The following CMTR1 variants were observed in gnomAD, a reference collection of about 807,000 sequenced individuals.
CMTR1 encodes cap methyltransferase 1, also known as cap-specific mRNA (nucleoside-2'-O-)-methyltransferase 1.
In CMTR1, 39 loss-of-function variants were observed where a neutral mutation model predicts 107.0. The ratio of observed to expected loss-of-function variants is 0.36; its 90% CI spans 0.28 to 0.48. The LOEUF (loss-of-function observed/expected upper bound fraction) is 0.48, where lower values mean the gene tolerates loss of function less well. Among genes scored for constraint, CMTR1 ranks in the 20% least tolerant of loss-of-function variants. The pLI is 0.99. For synonymous variants in CMTR1, 366 were observed against 379.5 expected, an observed-to-expected ratio of 0.96 and a Z score of 0.41; for missense variants, 672 against 1,064.9, an observed-to-expected ratio of 0.63 and a Z score of 5.14.
At chr6:37,452,491 AT>A (rs1761198749) in intron 6 of CMTR1, among the ~76,000 whole-genome samples, 1 of 152,100 alleles carries the variant, frequency 6.6e-6, no homozygotes, top group Non-Finnish European at 1.5e-5. Context: ...CACAGATTTT[AT>A]TTTTTGGCAG....
chr6:37,474,512 C>G lies in CMTR1; in HGVS notation c.1822-12C>G. 1 of 1,579,156 alleles carries G rather than the reference C, an allele frequency of 6.3e-7. No homozygotes were observed. Among genetic ancestry groups the G allele is most frequent in the African/African-American group, 1.5e-5 (1 of 65,872 alleles). On this transcript the variant is annotated splice_polypyrimidine_tract_variant and intron_variant, in intron 17 of 23. Coordinates refer to ENST00000373451, the MANE Select transcript of CMTR1 (RefSeq NM_015050.3). ...ATGCCTTCCTTACCTGGCTGTTTCT[C>G]TCTGCCTGTAGAAATCCCAGATCTA...
At position 37,453,330 on chromosome 6, in the gene CMTR1, C is replaced by T. The variant is rs1761224716; in HGVS notation, c.777+18C>T. ...CTTATGGGGTGAGAACAAGATTCTG[C>T]TTCTGAATTCATGGTGCTAAGAGGG... On this transcript the variant is annotated intron_variant, in intron 8 of 23. Coordinates refer to ENST00000373451, the MANE Select transcript of CMTR1 (RefSeq NM_015050.3). The T allele has an allele frequency of 6.2e-7, 1 of 1,610,432 alleles. No homozygotes were observed.
At chr6:37,428,140 T>C in the CMTR1 span, among the ~76,000 whole-genome samples, 2 of 152,076 alleles carry the variant, frequency 1.3e-5, no homozygotes, top group African/African-American at 4.8e-5. Context: ...AAATAATGTG[T>C]GTATTCAGAC....
chr6:37,481,035 A>G lies in CMTR1; in HGVS notation c.*890A>G, dbSNP rs1045503243. On this transcript the variant is annotated 3_prime_UTR_variant, in exon 24 of 24. Transcript: ENST00000373451. Reference sequence around the variant, plus strand: ...TGGCAGTCATGCACCGCTGTCTGCCATAGCCGCTCTAGGGTCTTGGCAGAA... The same window carrying G: ...TGGCAGTCATGCACCGCTGTCTGCCGTAGCCGCTCTAGGGTCTTGGCAGAA... 65 of 1,304,078 alleles carry G rather than the reference A, an allele frequency of 5.0e-5. No homozygotes were observed. The highest frequency in any genetic ancestry group is 6.3e-5 in the Non-Finnish European group (62 of 988,916). The allele number at this position is 1,304,078 out of a possible 1,614,324, so 80.8% of individuals were successfully genotyped here. A position where few individuals can be genotyped will look rare whatever the true frequency, so the allele number is the denominator to read the frequency against.
chr6:37,463,583 GT>G (rs1761444136), intron 13 of CMTR1, among the ~76,000 whole-genome samples: 1 of 152,086 alleles, frequency 6.6e-6, no homozygotes, highest in Admixed American at 6.5e-5. Flanking sequence ...TTTGAAAAAA[GT>G]GTTTGGAGAT....
At chr6:37,443,048 GTGGT>G in intron 2 of CMTR1, among the ~76,000 whole-genome samples, 1 of 152,258 alleles carries the variant, frequency 6.6e-6, no homozygotes, top group East Asian at 1.9e-4. Context: ...GTAAACTTTC[GTGGT>G]ATAAAAATGT....
Position 37,481,090 on chromosome 6 carries a change from AC to A in CMTR1, c.*948del, listed in dbSNP as rs781334619. 9 of 1,303,518 alleles carry A rather than the reference AC, an allele frequency of 6.9e-6. No individual in the cohort carries two copies. The highest frequency in any genetic ancestry group is 2.1e-4 in the Middle Eastern group (1 of 4,698). The allele number at this position is 1,303,518 out of a possible 1,614,324, so 80.7% of individuals were successfully genotyped here. On this transcript the variant is annotated 3_prime_UTR_variant, in exon 24 of 24. Coordinates refer to ENST00000373451, the MANE Select transcript of CMTR1 (RefSeq NM_015050.3). ...GAGCTTGAAGTGCAGCTCCCTTACT[AC>A]CCTTTCCCTTCCTTTTTCTTCCCTA... is the stretch of plus-strand genomic sequence containing the variant.
intron 6 of CMTR1, 57 bp downstream of exon 6, chr6:37,451,934 G>A: frequency 7.0e-7 from 1 of 1,423,786 alleles, no homozygotes; most frequent in South Asian, 1.2e-5. Context: ...TGATTTGCTG[G>A]ACTTTTCCAT....
At chr6:37,450,425 TTG>T in intron 5 of CMTR1, 82 bp downstream of exon 5, 1 of 1,029,860 alleles carries the variant, frequency 9.7e-7, no homozygotes, top group Non-Finnish European at 1.5e-6. Flanking sequence ...TTACATACAC[TTG>T]CAGTTTAAGA....
intron 20 of CMTR1, among the ~76,000 whole-genome samples, chr6:37,476,708 G>A (rs1391476762): frequency 2.0e-5 from 3 of 152,354 alleles, no homozygotes; most frequent in Admixed American, 6.5e-5. Flanking sequence ...GGAGGAGACA[G>A]ATGGAGGACA....
the CMTR1 span, among the ~76,000 whole-genome samples, chr6:37,425,748 G>A: frequency 1.3e-5 from 2 of 152,108 alleles, no homozygotes; most frequent in Non-Finnish European, 2.9e-5. Flanking sequence ...TGATTGTAAT[G>A]TGTCTTGATA....
chr6:37,480,873 G>A lies in CMTR1; in HGVS notation c.*728G>A. ...ATGGAGTTGTAGAGCCATCCTAGGTGCCATCCCCTTTTGGTCCAAACATTG... is the reference window on the plus strand; with the variant it reads ...ATGGAGTTGTAGAGCCATCCTAGGTACCATCCCCTTTTGGTCCAAACATTG... On this transcript the variant is annotated 3_prime_UTR_variant, in exon 24 of 24. Coordinates refer to ENST00000373451, the MANE Select transcript of CMTR1 (RefSeq NM_015050.3). 8.4e-7 allele frequency: 1 copy of A among 1,194,852 alleles called. No individual in the cohort carries two copies. The highest frequency in any genetic ancestry group is 1.1e-6 in the Non-Finnish European group (1 of 946,430). 74.0% of individuals were successfully genotyped at this position (1,194,852 alleles called of 1,614,324 possible).
chr6:37,462,186 T>C, intron 12 of CMTR1, 84 bp downstream of exon 12: 1 of 1,497,634 alleles, frequency 6.7e-7, no homozygotes, highest in East Asian at 2.3e-5. Flanking sequence ...TGGCATGACC[T>C]CTTAAGCTAC....
chr6:37,441,233 G>A (rs958961445), intron 2 of CMTR1, among the ~76,000 whole-genome samples: 13 of 152,136 alleles, frequency 8.5e-5, no homozygotes, highest in African/African-American at 3.1e-4. Flanking sequence ...CTGTTGCAGA[G>A]TGCATCTCTC....
Position 37,471,183 on chromosome 6 carries a change from C to A in CMTR1, c.1562+106C>A, listed in dbSNP as rs532760936. 9.2e-4 allele frequency: 936 copies of A among 1,021,768 alleles called. 1 individual carries two copies. The highest frequency in any genetic ancestry group is 1.1e-3 in the Non-Finnish European group (761 of 695,528). 63.3% of individuals were successfully genotyped at this position (1,021,768 alleles called of 1,614,324 possible). ...TCATTTCAACAAACATTTTAAAACA[C>A]CTGCTTTTTTCTCATACTCTGCTAT... On this transcript the variant is annotated intron_variant, in intron 14 of 23. Transcript: ENST00000373451.
intron 4 of CMTR1, among the ~76,000 whole-genome samples, chr6:37,447,352 T>C (rs973957860): frequency 1.3e-5 from 2 of 152,216 alleles, no homozygotes; most frequent in Admixed American, 6.5e-5. Context: ...TCATGGGTTC[T>C]GGGGCCGGTC....
chr6:37,467,493 T>A (rs1761532249), intron 13 of CMTR1, among the ~76,000 whole-genome samples: 4 of 152,190 alleles, frequency 2.6e-5, no homozygotes, highest in Admixed American at 2.6e-4. Flanking sequence ...GTTCATAGTG[T>A]TTTTCAAATT....
Position 37,462,957 on chromosome 6 carries a change from T to G in CMTR1, c.1454T>G (p.Val485Gly). The change falls in exon 13 of 24, where the codon GTG becomes GGG. Residue 485 changes from valine to glycine, a missense_variant. Val to Gly is a moderately radical substitution (Grantham distance 109, BLOSUM62 -3). Transcript: ENST00000373451. ...GTCAACTTGGTGGTCCCCCTGGAGG[T>G]GATCAAGGGAGACCATGAATTTACT... ...SDVNLVVPLE[V>G]IKGDHEFTDY... The G allele has an allele frequency of 3.1e-6, 5 of 1,613,948 alleles. No individual in the cohort carries two copies. The highest frequency in any genetic ancestry group is 4.2e-6 in the Non-Finnish European group (5 of 1,179,958).
intron 13 of CMTR1, among the ~76,000 whole-genome samples, chr6:37,467,216 T>G (rs1761528440): frequency 6.6e-6 from 1 of 152,220 alleles, no homozygotes; most frequent in South Asian, 2.1e-4. Flanking sequence ...TATGTGTCTT[T>G]TAATTAACCT....
Sources: allele counts gnomAD v4.1 joint callset (sites outside exome capture counted in the v4.1 genomes callset), GRCh38; gene constraint gnomAD v4.1.1; transcripts MANE v1.5; gene names NCBI Gene and HGNC (gene_info 2026-07-23, HGNC 2026-07-21).